FHIT: variants seen among roughly 807,000 people sequenced by gnomAD.
The protein encoded by FHIT is fragile histidine triad diadenosine triphosphatase, also known as bis(5'-adenosyl)-triphosphatase.
FHIT carries 19 observed loss-of-function variants against 17.9 expected under a neutral mutation model. That is an observed-to-expected ratio of 1.06 (90% CI 0.74 to 1.56). The LOEUF is 1.56. Among genes scored for constraint, FHIT ranks in the 40% most tolerant of loss-of-function variants. FHIT has a pLI of 0.00. For synonymous variants in FHIT, 81 were observed against 69.7 expected, an observed-to-expected ratio of 1.16 and a Z score of -0.81; for missense variants, 248 against 189.2, an observed-to-expected ratio of 1.31 and a Z score of -1.82.
Position 60,170,703 on chromosome 3 carries a change from T to G in FHIT, c.104-156551A>C, listed in dbSNP as rs185260084. ...CCTTTCTGTCTAAATCCTAGCAAGA[T>G]CAAACACTGGGGAAAAAAATAACAT... On this transcript the variant is annotated intron_variant, in intron 5 of 9. Transcript: ENST00000492590. Among the ~76,000 whole-genome samples the G allele has an allele frequency of 1.9e-4, 29 of 152,168 alleles. No individual in the cohort carries two copies. The East Asian group carries it at 2.3e-3, about 12-fold the overall frequency.
chr3:60,442,250 T>A (rs1050817598), intron 5 of FHIT, among the ~76,000 whole-genome samples: 3 of 152,166 alleles, frequency 2.0e-5, no homozygotes, highest in Non-Finnish European at 2.9e-5. Flanking sequence ...TACCTAAGGT[T>A]CCTGATTCAT....
At chr3:60,400,755 T>C (rs1024846075) in intron 5 of FHIT, among the ~76,000 whole-genome samples, 2 of 152,234 alleles carry the variant, frequency 1.3e-5, no homozygotes, top group African/African-American at 4.8e-5. Context: ...CTGAAAAGAC[T>C]GAGGAACTTA....
chr3:59,751,144 TAAAC>T (rs1266868166), intron 9 of FHIT: 4 of 180,180 alleles, frequency 2.2e-5, no homozygotes, highest in Non-Finnish European at 3.6e-5. Flanking sequence ...GAATTTCAGA[TAAAC>T]AAGTAATTTT....
chr3:60,888,857 C>T (rs1044898422), intron 3 of FHIT, among the ~76,000 whole-genome samples: 1 of 152,168 alleles, frequency 6.6e-6, no homozygotes, highest in African/African-American at 2.4e-5. Flanking sequence ...TTGTATCCAT[C>T]ACCCAGTTTC....
intron 8 of FHIT, among the ~76,000 whole-genome samples, chr3:59,759,332 G>A (rs1701383782): frequency 6.6e-6 from 1 of 152,102 alleles, no homozygotes; most frequent in African/African-American, 2.4e-5. Context: ...GAATGTCCTG[G>A]AAGGATAATG....
At chr3:61,199,738 G>A (rs2038959546) in intron 2 of FHIT, among the ~76,000 whole-genome samples, 1 of 144,448 alleles carries the variant, frequency 6.9e-6, no homozygotes, top group African/African-American at 2.6e-5. Flanking sequence ...AGTAATAATT[G>A]CTGCAATAAA....
intron 4 of FHIT, among the ~76,000 whole-genome samples, chr3:60,630,097 C>T (rs1038571003): frequency 2.6e-5 from 4 of 152,146 alleles, no homozygotes; most frequent in African/African-American, 9.7e-5. Flanking sequence ...CAAACAGGAA[C>T]CCTACCTGAC....
intron 4 of FHIT, among the ~76,000 whole-genome samples, chr3:60,698,451 A>G (rs1374049291): frequency 1.3e-5 from 2 of 152,118 alleles, no homozygotes; most frequent in African/African-American, 4.8e-5. Context: ...ACATGAAGTA[A>G]TTTACTCCCT....
chr3:61,224,529 C>A (rs2039918818), intron 1 of FHIT, among the ~76,000 whole-genome samples: 1 of 152,162 alleles, frequency 6.6e-6, no homozygotes, highest in South Asian at 2.1e-4. Flanking sequence ...CCTGCCTCAG[C>A]CTCCCAAGTA....
chr3:60,493,746 C>T (rs545495574), intron 5 of FHIT, among the ~76,000 whole-genome samples: 52 of 152,096 alleles, frequency 3.4e-4, no homozygotes, highest in African/African-American at 8.4e-4. Context: ...AATATTCAAA[C>T]GAGAGATACG....
chr3:61,218,546 A>G (rs1008193128), intron 1 of FHIT, among the ~76,000 whole-genome samples: 17 of 152,174 alleles, frequency 1.1e-4, no homozygotes, highest in African/African-American at 2.7e-4. Context: ...GTTTGTTTGT[A>G]TAGTTTTTAA....
At chr3:60,842,577 A>G (rs2106869655) in intron 3 of FHIT, among the ~76,000 whole-genome samples, 1 of 147,190 alleles carries the variant, frequency 6.8e-6, no homozygotes, top group Admixed American at 6.8e-5. Context: ...AGCTTATTAA[A>G]GAACCTAGAG....
intron 5 of FHIT, among the ~76,000 whole-genome samples, chr3:60,498,684 A>G (rs1483615489): frequency 1.3e-5 from 2 of 152,216 alleles, no homozygotes; most frequent in Non-Finnish European, 2.9e-5. Context: ...GCAAAGTTGA[A>G]CAAACAGTTA....
At chr3:61,000,204 GGTT>G (rs1478105958) in intron 3 of FHIT, among the ~76,000 whole-genome samples, 6 of 152,134 alleles carry the variant, frequency 3.9e-5, no homozygotes, top group Non-Finnish European at 8.8e-5. Context: ...TTTGGGAGAG[GGTT>G]GTCTATGGGC....
At chr3:59,888,773 C>G (rs2106997593) in intron 8 of FHIT, among the ~76,000 whole-genome samples, 1 of 152,258 alleles carries the variant, frequency 6.6e-6, no homozygotes, top group East Asian at 1.9e-4. Flanking sequence ...TCTTAGTCTG[C>G]TTTTGCTGCT....
At chr3:60,008,539 G>A (rs1027937902) in intron 7 of FHIT, among the ~76,000 whole-genome samples, 1 of 152,066 alleles carries the variant, frequency 6.6e-6, no homozygotes. Context: ...CTTCATTAAC[G>A]ATAACAACAG....
intron 3 of FHIT, among the ~76,000 whole-genome samples, chr3:60,925,499 C>G (rs1303702430): frequency 1.3e-5 from 2 of 152,150 alleles, no homozygotes; most frequent in African/African-American, 2.4e-5. Context: ...ACTTAACAGA[C>G]AAGCAAATGC....
intron 3 of FHIT, among the ~76,000 whole-genome samples, chr3:60,905,314 T>A (rs983261208): frequency 6.6e-6 from 1 of 152,100 alleles, no homozygotes; most frequent in Non-Finnish European, 1.5e-5. Context: ...GCAAACAGAG[T>A]GTAGAGCAAC....
intron 5 of FHIT, among the ~76,000 whole-genome samples, chr3:60,202,451 C>T (rs538137298): frequency 6.6e-6 from 1 of 152,326 alleles, no homozygotes; most frequent in East Asian, 1.9e-4. Context: ...GCTGCCCAAG[C>T]ACACATCCTT....
Sources: allele counts gnomAD v4.1 joint callset (sites outside exome capture counted in the v4.1 genomes callset), GRCh38; gene constraint gnomAD v4.1.1; transcripts MANE v1.5; gene names NCBI Gene and HGNC (gene_info 2026-07-23, HGNC 2026-07-21).